Variants in CBFB observed in about 807,000 individuals in gnomAD.
The protein encoded by CBFB is core-binding factor subunit beta, also known as CBF-beta.
Under a neutral mutation model 30.4 loss-of-function variants are expected in CBFB, and 9 were observed. The ratio of observed to expected loss-of-function variants is 0.30; its 90% CI spans 0.18 to 0.52. CBFB has a LOEUF of 0.52. Among genes scored for constraint, CBFB ranks in the 20% least tolerant of loss-of-function variants. The pLI, the probability that CBFB is intolerant of heterozygous loss-of-function variation, is 0.97. For synonymous variants in CBFB, 94 were observed against 84.0 expected (o/e 1.12, Z -0.65); for missense variants, 170 against 244.0 (o/e 0.70, Z 2.02).
intron 5 of CBFB, among the ~76,000 whole-genome samples, chr16:67,088,227 A>AT (rs1462369859): frequency 2.0e-5 from 3 of 151,978 alleles, no homozygotes; most frequent in Non-Finnish European, 4.4e-5. Flanking sequence ...GCGTGTATAT[A>AT]TTTTGCTTCT....
chr16:67,065,856 T>C (rs1338115039), intron 3 of CBFB, among the ~76,000 whole-genome samples: 1 of 152,200 alleles, frequency 6.6e-6, no homozygotes, highest in African/African-American at 2.4e-5. Flanking sequence ...CTGTTGCCTA[T>C]TGGGAAAAGT....
chr16:67,059,968 CTTTCTTTCTTTT>C (rs2145742450), intron 3 of CBFB, among the ~76,000 whole-genome samples: 1 of 148,774 alleles, frequency 6.7e-6, no homozygotes, highest in African/African-American at 2.6e-5. Flanking sequence ...TTCTTTCTTT[CTTTCTTTCTTTT>C]TTTTTTTTTG....
At chr16:67,084,760 C>T (rs577726396) in intron 5 of CBFB, among the ~76,000 whole-genome samples, 586 of 152,140 alleles carry the variant, frequency 3.9e-3, no homozygotes, top group Non-Finnish European at 6.9e-3. Context: ...GGTGTGTGTG[C>T]ATACGTGTGT....
At chr16:67,085,717 G>T (rs1036144042) in intron 5 of CBFB, among the ~76,000 whole-genome samples, 2 of 130,780 alleles carry the variant, frequency 1.5e-5, no homozygotes, top group African/African-American at 6.0e-5. Flanking sequence ...TCGCTCTGTC[G>T]CCCAGGCTGG....
chr16:67,031,985 C>G (rs575397542), intron 2 of CBFB, among the ~76,000 whole-genome samples: 1 of 152,246 alleles, frequency 6.6e-6, no homozygotes, highest in East Asian at 1.9e-4. Flanking sequence ...CGTCACCATA[C>G]GCAGCCCCAT....
chr16:67,062,016 G>A (rs1000567463), intron 3 of CBFB, among the ~76,000 whole-genome samples: 8 of 151,980 alleles, frequency 5.3e-5, no homozygotes, highest in Non-Finnish European at 1.0e-4. Flanking sequence ...TGGGCATTAA[G>A]AGCAAAACTC....
chr16:67,063,070 A>G (rs775122357), intron 3 of CBFB, among the ~76,000 whole-genome samples: 1 of 152,168 alleles, frequency 6.6e-6, no homozygotes, highest in Non-Finnish European at 1.5e-5. Context: ...TTCATGAGAG[A>G]TGGTAAATCA....
At chr16:67,044,666 T>C (rs1370507317) in intron 3 of CBFB, among the ~76,000 whole-genome samples, 3 of 152,228 alleles carry the variant, frequency 2.0e-5, no homozygotes, top group Non-Finnish European at 4.4e-5. Context: ...TAAAGGTCTA[T>C]GATTCTGCTT....
rs1306441971 is a variant in CBFB, at chr16:67,100,590, A to C, written c.*1812A>C. On this transcript the variant is annotated 3_prime_UTR_variant, in exon 6 of 6. Coordinates refer to ENST00000412916, the MANE Select transcript of CBFB (RefSeq NM_022845.3). Reference sequence around the variant, plus strand: ...TAAGTGATCCTTACAGTGGTGTTTTATGTTACTTTATTACAGAGCTCCTTG... The same window carrying C: ...TAAGTGATCCTTACAGTGGTGTTTTCTGTTACTTTATTACAGAGCTCCTTG... 4.4e-6 allele frequency: 1 copy of C among 225,366 alleles called. No homozygotes were observed. Among genetic ancestry groups the C allele is most frequent in the Non-Finnish European group, 8.9e-6 (1 of 112,958 alleles). 14.0% of individuals were successfully genotyped at this position (225,366 alleles called of 1,614,324 possible).
At chr16:67,057,039 G>C (rs1439935932) in intron 3 of CBFB, among the ~76,000 whole-genome samples, 1 of 151,014 alleles carries the variant, frequency 6.6e-6, no homozygotes, top group Non-Finnish European at 1.5e-5. Flanking sequence ...CTGGGGTGCA[G>C]TGGTGCAATC....
chr16:67,037,817 C>T (rs1472436830), intron 3 of CBFB, among the ~76,000 whole-genome samples: 3 of 151,610 alleles, frequency 2.0e-5, no homozygotes, highest in South Asian at 2.1e-4. Flanking sequence ...TACAGGTGTG[C>T]GCCACCACGC....
rs1190948233 is a variant in CBFB, at chr16:67,029,192, G to A, written c.-216G>A. On this transcript the variant is annotated 5_prime_UTR_variant, in exon 1 of 6. Coordinates refer to ENST00000412916, the MANE Select transcript of CBFB (RefSeq NM_022845.3). ...GCGGGCGGCAGGCAACGGCTGAGGCGGCGGCGGCGGCGGCGGCGGCGTGGG... is the reference window on the plus strand; with the variant it reads ...GCGGGCGGCAGGCAACGGCTGAGGCAGCGGCGGCGGCGGCGGCGGCGTGGG... The A allele has an allele frequency of 2.2e-5, 4 of 181,644 alleles. No homozygotes were observed. The highest frequency in any genetic ancestry group is 2.4e-4 in the East Asian group (2 of 8,464). 11.3% of individuals were successfully genotyped at this position (181,644 alleles called of 1,614,324 possible).
chr16:67,081,865 G>A (rs536502854), intron 4 of CBFB, among the ~76,000 whole-genome samples: 2 of 147,586 alleles, frequency 1.4e-5, no homozygotes, highest in East Asian at 3.9e-4. Flanking sequence ...TTTTGAGACA[G>A]GCTGGAGTGC....
At chr16:67,077,653 TG>T (rs1045177199) in intron 4 of CBFB, among the ~76,000 whole-genome samples, 9 of 152,228 alleles carry the variant, frequency 5.9e-5, no homozygotes, top group African/African-American at 2.2e-4. Flanking sequence ...CATCATCAAC[TG>T]TCTTGGAAAA....
intron 3 of CBFB, among the ~76,000 whole-genome samples, chr16:67,046,589 T>TGTACACTTAA (rs1444641707): frequency 2.0e-5 from 3 of 152,232 alleles, no homozygotes; most frequent in Admixed American, 6.5e-5. Context: ...TGTACAAGTC[T>TGTACACTTAA]GTGACAACTG....
At position 67,100,042 on chromosome 16, in the gene CBFB, A is replaced by G. The variant is rs1242590246; in HGVS notation, c.*1264A>G. The G allele has an allele frequency of 4.7e-6, 1 of 211,538 alleles. No homozygotes were observed. Among genetic ancestry groups the G allele is most frequent in the Non-Finnish European group, 9.6e-6 (1 of 104,232 alleles). The allele number at this position is 211,538 out of a possible 1,614,324, so 13.1% of individuals were successfully genotyped here. ...TGAATTAATGTAAGAATATTTTTTA[A>G]ATAGGCTTACTGTCAAATTGCAACT... On this transcript the variant is annotated 3_prime_UTR_variant, in exon 6 of 6. Coordinates refer to ENST00000412916, the MANE Select transcript of CBFB (RefSeq NM_022845.3).
intron 4 of CBFB, among the ~76,000 whole-genome samples, chr16:67,068,344 G>A (rs1221706019): frequency 6.6e-6 from 1 of 152,132 alleles, no homozygotes; most frequent in Non-Finnish European, 1.5e-5. Context: ...ACCAGGTGTG[G>A]TGGCATGTGT....
intron 4 of CBFB, among the ~76,000 whole-genome samples, chr16:67,075,197 A>ATGTGTGTGTGTG (rs57425666): frequency 6.3e-5 from 9 of 142,662 alleles, no homozygotes; most frequent in African/African-American, 1.3e-4. Flanking sequence ...CTCAAAAAAA[A>ATGTGTGTGTGTG]TGTGTGTGTG....
At chr16:67,064,594 T>A (rs1961002577) in intron 3 of CBFB, among the ~76,000 whole-genome samples, 1 of 152,184 alleles carries the variant, frequency 6.6e-6, no homozygotes, top group South Asian at 2.1e-4. Context: ...TCTCTTATAT[T>A]GTTTATCTCT....
Sources: allele counts gnomAD v4.1 joint callset (sites outside exome capture counted in the v4.1 genomes callset), GRCh38; gene constraint gnomAD v4.1.1; transcripts MANE v1.5; gene names NCBI Gene and HGNC (gene_info 2026-07-23, HGNC 2026-07-21).